Variants in ARHGAP35 observed in about 807,000 individuals in gnomAD.
ARHGAP35 encodes the protein Rho GTPase activating protein 35.
A neutral mutation model predicts 111.1 loss-of-function variants in ARHGAP35; 15 were observed. The ratio of observed to expected loss-of-function variants is 0.13; its 90% CI spans 0.09 to 0.21. ARHGAP35 has a LOEUF of 0.21. ARHGAP35 is among the 10% of genes least tolerant of loss of function. The pLI, the probability that ARHGAP35 is intolerant of heterozygous loss-of-function variation, is 1.00. For missense variants in ARHGAP35, 1,262 were observed against 1,873.0 expected, an observed-to-expected ratio of 0.67 and a Z score of 6.02; for synonymous variants, 643 against 710.3, an observed-to-expected ratio of 0.91 and a Z score of 1.51.
intron 3 of ARHGAP35, among the ~76,000 whole-genome samples, chr19:46,940,707 G>T (rs550259605): frequency 5.3e-5 from 8 of 150,872 alleles, no homozygotes; most frequent in Non-Finnish European, 1.0e-4. Context: ...CACAAGCCTC[G>T]ACCTCCCAAA....
chr19:46,894,725 T>G (rs1005707316), intron 1 of ARHGAP35, among the ~76,000 whole-genome samples: 1 of 152,008 alleles, frequency 6.6e-6, no homozygotes, highest in Non-Finnish European at 1.5e-5. Context: ...GGATTACAGG[T>G]GCAAGCCACC....
rs1180890176 is a variant in ARHGAP35, at chr19:46,986,724, A to G, written c.3827-1265A>G. ...AAATAAGAACACTAGGAAAATTAAC[A>G]AGAACATGAATACGATATTCACAAA... On this transcript the variant is annotated intron_variant, in intron 3 of 6. Coordinates refer to ENST00000672722, the MANE Select transcript of ARHGAP35 (RefSeq NM_004491.5). The surrounding 1 kb of genome is among the most constrained non-coding windows in gnomAD (Gnocchi z 4.3). 6.6e-6 allele frequency among the ~76,000 whole-genome samples: 1 copy of G among 152,276 alleles called. No homozygotes were observed. The highest frequency in any genetic ancestry group is 1.5e-5 in the Non-Finnish European group (1 of 68,046).
At chr19:46,995,841 A>G (rs2056704447) in intron 5 of ARHGAP35, among the ~76,000 whole-genome samples, 1 of 152,216 alleles carries the variant, frequency 6.6e-6, no homozygotes, top group South Asian at 2.1e-4. Flanking sequence ...GCTTAAGGAA[A>G]GAGGTGAATG....
intron 1 of ARHGAP35, among the ~76,000 whole-genome samples, chr19:46,916,359 C>A (rs573135191): frequency 2.2e-5 from 3 of 138,458 alleles, no homozygotes; most frequent in South Asian, 4.7e-4. Flanking sequence ...CTTTTTTTTG[C>A]GGAGGGAAGG....
chr19:46,991,826 C>G (rs2056680890), intron 5 of ARHGAP35, among the ~76,000 whole-genome samples: 1 of 152,222 alleles, frequency 6.6e-6, no homozygotes, highest in Non-Finnish European at 1.5e-5. Context: ...GTAGCTCTTC[C>G]CAGACTGGCT....
intron 3 of ARHGAP35, among the ~76,000 whole-genome samples, chr19:46,980,283 G>A (rs1325115087): frequency 6.6e-6 from 1 of 152,154 alleles, no homozygotes; most frequent in Non-Finnish European, 1.5e-5. Flanking sequence ...TACTCGGGAG[G>A]CTGAAGCAGG....
At chr19:46,898,864 T>C (rs2056070360) in intron 1 of ARHGAP35, among the ~76,000 whole-genome samples, 1 of 152,126 alleles carries the variant, frequency 6.6e-6, no homozygotes, top group Admixed American at 6.6e-5. Flanking sequence ...AAAACTGCGC[T>C]GATGTGCTGG....
rs375605717 is a variant in ARHGAP35, at chr19:46,918,747, C to T, written c.72C>T (p.Thr24=). 90 of 1,613,766 alleles carry T rather than the reference C, an allele frequency of 5.6e-5. No homozygotes were observed. The Middle Eastern group carries it at 1.8e-3, about 32-fold the overall frequency. ...YNISVVGLSG[T]EKEKGQCGIG... ...TCAGTGTGGTGGGATTATCTGGGAC[C>T]GAGAAGGAAAAGGGCCAGTGTGGGA... is the stretch of plus-strand genomic sequence containing the variant. Residue 24 remains threonine, a synonymous_variant, in exon 2 of 7, where the codon ACC becomes ACT. Coordinates refer to ENST00000672722, the MANE Select transcript of ARHGAP35 (RefSeq NM_004491.5). The surrounding 1 kb of genome is among the most constrained non-coding windows in gnomAD (Gnocchi z 5.4).
chr19:46,956,466 C>T (rs1366599843), intron 3 of ARHGAP35, among the ~76,000 whole-genome samples: 1 of 149,328 alleles, frequency 6.7e-6, no homozygotes, highest in Non-Finnish European at 1.5e-5. Context: ...GTCACCCAGG[C>T]TGGAGTGCAA....
chr19:46,938,736 CA>C (rs1453898561), intron 3 of ARHGAP35, among the ~76,000 whole-genome samples: 1 of 151,624 alleles, frequency 6.6e-6, no homozygotes, highest in Non-Finnish European at 1.5e-5. Context: ...TGGCTCACTG[CA>C]ACCTCTGCCT....
intron 3 of ARHGAP35, among the ~76,000 whole-genome samples, chr19:46,981,502 G>A (rs1599863344): frequency 6.6e-6 from 1 of 152,362 alleles, no homozygotes; most frequent in Admixed American, 6.5e-5. Context: ...GAGCAGAGGC[G>A]AAGCCTGACG....
intron 1 of ARHGAP35, among the ~76,000 whole-genome samples, chr19:46,916,457 C>T (rs1185376218): frequency 8.6e-5 from 13 of 151,718 alleles, no homozygotes; most frequent in Non-Finnish European, 1.8e-4. Context: ...AAGGCTTTCC[C>T]GAATCTGAAA....
At chr19:46,958,246 T>C (rs2056452927) in intron 3 of ARHGAP35, among the ~76,000 whole-genome samples, 1 of 149,014 alleles carries the variant, frequency 6.7e-6, no homozygotes, top group African/African-American at 2.5e-5. Context: ...TAGCCGGGCA[T>C]GGTGGCGGGC....
intron 1 of ARHGAP35, among the ~76,000 whole-genome samples, chr19:46,868,362 C>T (rs1431241966): frequency 6.6e-6 from 1 of 151,902 alleles, no homozygotes; most frequent in African/African-American, 2.4e-5. Flanking sequence ...AATTTATGGT[C>T]AATTGTAAAC....
In ARHGAP35 at chr19:46,875,682, G is replaced by A. The variant is rs192972662; in HGVS notation, c.-189+14473G>A. 7.9e-5 allele frequency among the ~76,000 whole-genome samples: 12 copies of A among 152,068 alleles called. 1 individual carries two copies. In the East Asian group the frequency reaches 1.7e-3, roughly 22 times the overall value. ...TTTTTTGAGAACTAAATACCATAAC[G>A]CTAAAGTTGGTAACCTTTGAGTTTG... On this transcript the variant is annotated intron_variant, in intron 1 of 6. Coordinates refer to ENST00000672722, the MANE Select transcript of ARHGAP35 (RefSeq NM_004491.5).
chr19:46,979,053 G>A (rs1047805010), intron 3 of ARHGAP35, among the ~76,000 whole-genome samples: 4 of 140,240 alleles, frequency 2.9e-5, no homozygotes, highest in African/African-American at 1.1e-4. Context: ...TGTGTGGTGG[G>A]ATGTGTGTGT....
chr19:46,939,296 C>T (rs1008175530), intron 3 of ARHGAP35, among the ~76,000 whole-genome samples: 2 of 150,984 alleles, frequency 1.3e-5, no homozygotes, highest in South Asian at 4.2e-4. Flanking sequence ...CTTTTTGACA[C>T]TCGTTTTATA....
intron 3 of ARHGAP35, among the ~76,000 whole-genome samples, chr19:46,985,639 G>A (rs2056644915): frequency 6.6e-6 from 1 of 152,176 alleles, no homozygotes; most frequent in African/African-American, 2.4e-5. Flanking sequence ...CAAGCAAATG[G>A]TGGATGGGGA....
intron 1 of ARHGAP35, among the ~76,000 whole-genome samples, chr19:46,890,363 T>A (rs1003892473): frequency 4.6e-5 from 7 of 152,258 alleles, no homozygotes; most frequent in Non-Finnish European, 1.5e-5. Flanking sequence ...ATTACTGTAT[T>A]TCTAGGTGCA....
Sources: gnomAD v4.1 joint callset for allele counts (sites outside exome capture counted in the v4.1 genomes callset) on GRCh38, gnomAD v4.1.1 for gene constraint, Gnocchi (gnomAD v3.1) non-coding constraint, MANE v1.5 for transcripts, NCBI Gene and HGNC (gene_info 2026-07-23, HGNC 2026-07-21) for gene names.